Variants in POU6F2 observed in about 807,000 individuals in gnomAD.
POU6F2 encodes POU class 6 homeobox 2.
POU6F2 carries 31 observed loss-of-function variants against 71.3 expected under a neutral mutation model. The ratio of observed to expected loss-of-function variants is 0.43; its 90% CI spans 0.33 to 0.59. The LOEUF (loss-of-function observed/expected upper bound fraction) is 0.59. Ranked by LOEUF, POU6F2 falls within the 20% of genes least tolerant of loss-of-function variation. The probability of loss-of-function intolerance (pLI) is 0.04; values close to 1 mark genes in which losing one functional copy is unlikely to be tolerated. For synonymous variants in POU6F2, 347 were observed against 355.7 expected (o/e 0.98, Z 0.27); for missense variants, 783 against 856.8 (o/e 0.91, Z 1.07).
At chr7:39,085,726 TAAGAG>T in intron 1 of POU6F2, 129 bp from the exon 2 acceptor site, 1 of 912,512 alleles carries the variant, frequency 1.1e-6, no homozygotes, top group Non-Finnish European at 1.7e-6. Context: ...CAGCCAGAGA[TAAGAG>T]AGAGAGGAGA....
intron 2 of POU6F2, among the ~76,000 whole-genome samples, chr7:39,171,325 G>C (rs191302277): frequency 6.6e-6 from 1 of 152,000 alleles, no homozygotes; most frequent in East Asian, 1.9e-4. Context: ...TGCAAGTTCT[G>C]CTATAAAATT....
chr7:39,179,439 G>A (rs760592511), intron 2 of POU6F2, among the ~76,000 whole-genome samples: 76 of 152,220 alleles, frequency 5.0e-4, no homozygotes, highest in African/African-American at 1.7e-3. Context: ...GTTAGAATAC[G>A]TCAAGCATTT....
intron 4 of POU6F2, among the ~76,000 whole-genome samples, chr7:39,272,614 C>G (rs955079794): frequency 1.3e-5 from 2 of 152,140 alleles, no homozygotes; most frequent in Non-Finnish European, 2.9e-5. Flanking sequence ...ATTATGGCAC[C>G]AAACATTCTT....
intron 5 of POU6F2, among the ~76,000 whole-genome samples, chr7:39,343,995 C>A (rs559477377): frequency 7.9e-4 from 120 of 152,186 alleles, no homozygotes; most frequent in Middle Eastern, 6.8e-3. Flanking sequence ...TTTATCTTAG[C>A]CAGAGAGTCC....
At chr7:39,151,828 G>T (rs73695675) in intron 2 of POU6F2, among the ~76,000 whole-genome samples, 12,236 of 152,198 alleles carry the variant, frequency 0.08, 564 homozygotes, top group African/African-American at 0.12. Flanking sequence ...GTTCTTCCAA[G>T]ACTCCAGCAG....
chr7:39,141,708 G>T (rs1194221611), intron 2 of POU6F2, among the ~76,000 whole-genome samples: 1 of 152,060 alleles, frequency 6.6e-6, no homozygotes, highest in African/African-American at 2.4e-5. Flanking sequence ...TAACCATAAT[G>T]AATATTTGTA....
chr7:39,088,060 G>A (rs1009946219), intron 2 of POU6F2, among the ~76,000 whole-genome samples: 1 of 152,202 alleles, frequency 6.6e-6, no homozygotes, highest in African/African-American at 2.4e-5. Flanking sequence ...TTCTGAGTTT[G>A]TGTGAGAGAA....
At chr7:39,023,071 T>G (rs1338832161) in intron 1 of POU6F2, among the ~76,000 whole-genome samples, 4 of 152,094 alleles carry the variant, frequency 2.6e-5, no homozygotes, top group Non-Finnish European at 4.4e-5. Context: ...TGTGGCTTTA[T>G]GTTGCATTTC....
chr7:39,371,657 A>G (rs983935652), intron 5 of POU6F2, among the ~76,000 whole-genome samples: 9 of 152,132 alleles, frequency 5.9e-5, no homozygotes, highest in African/African-American at 1.9e-4. Context: ...GCTTTCCCCA[A>G]TACCACCCAA....
chr7:39,382,521 G>A (rs1458055011), intron 5 of POU6F2, among the ~76,000 whole-genome samples: 1 of 152,216 alleles, frequency 6.6e-6, no homozygotes, highest in African/African-American at 2.4e-5. Flanking sequence ...GAGACAGAGT[G>A]CTGGACCCAG....
intron 2 of POU6F2, among the ~76,000 whole-genome samples, chr7:39,110,613 T>C (rs35973736): frequency 0.03 from 4,530 of 152,260 alleles, 94 homozygotes; most frequent in Middle Eastern, 0.078. Flanking sequence ...GAGGAAATAC[T>C]AATAATATAG....
intron 7 of POU6F2, among the ~76,000 whole-genome samples, chr7:39,449,177 G>C (rs1318467355): frequency 6.6e-6 from 1 of 152,206 alleles, no homozygotes; most frequent in East Asian, 1.9e-4. Context: ...TTCCTGGGAA[G>C]ATCCCTGCAC....
At chr7:39,093,134 T>C (rs969567304) in intron 2 of POU6F2, among the ~76,000 whole-genome samples, 1 of 151,906 alleles carries the variant, frequency 6.6e-6, no homozygotes, top group Non-Finnish European at 1.5e-5. Flanking sequence ...TATATTGTGA[T>C]TTTTTTTAAA....
At chr7:39,434,983 A>G (rs1008511903) in intron 7 of POU6F2, among the ~76,000 whole-genome samples, 1 of 152,202 alleles carries the variant, frequency 6.6e-6, no homozygotes, top group Non-Finnish European at 1.5e-5. Flanking sequence ...TTACGGCAGC[A>G]TAGTATTCCA....
At chr7:39,416,539 A>C (rs1787679836) in intron 6 of POU6F2, among the ~76,000 whole-genome samples, 1 of 152,198 alleles carries the variant, frequency 6.6e-6, no homozygotes, top group Non-Finnish European at 1.5e-5. Flanking sequence ...TGAGCTCCTA[A>C]TGTGGCAAGA....
intron 1 of POU6F2, chr7:39,004,944 T>C (rs1329103042): frequency 6.6e-6 from 1 of 152,262 alleles, no homozygotes; most frequent in Non-Finnish European, 1.5e-5. Context: ...TGATGTCTAA[T>C]GCCCTTCAAC....
Position 39,085,922 on chromosome 7 carries a change from G to C in POU6F2, c.168G>C (p.Ala56=), listed in dbSNP as rs376754165. 5.0e-6 allele frequency: 8 copies of C among 1,613,572 alleles called. No homozygotes were observed. The African/African-American group carries it at 8.0e-5, about 16-fold the overall frequency. Residue 56 remains alanine (A), a synonymous_variant, in exon 2 of 10, where the codon GCG becomes GCC. Coordinates refer to ENST00000518318, the MANE Select transcript of POU6F2 (RefSeq NM_001370959.1). ...PLLSVRSEMN[A]ELRGEDKAAT... ...TGTCAGTGCGGAGTGAAATGAATGC[G>C]GAGTTGAGAGGTGAGGACAAGGCTG...
rs1018312813 is a variant in POU6F2 at position 39,207,685 on chromosome 7, C to CA, written c.598+74dup. 970 of 1,360,468 alleles carry CA rather than the reference C, an allele frequency of 7.1e-4. 1 individual carries two copies. The highest frequency in any genetic ancestry group is 9.0e-4 in the South Asian group (64 of 71,130). The allele number at this position is 1,360,468 out of a possible 1,614,324, so 84.3% of individuals were successfully genotyped here. ...GTTGGCCAGTATTCTCTGAAGTGGG[C>CA]AAAAAAAAATGTGCCTAGAATGGTG... On this transcript the variant is annotated intron_variant, in intron 4 of 9. Transcript: ENST00000518318.
chr7:39,169,593 A>G (rs1031157402), intron 2 of POU6F2, among the ~76,000 whole-genome samples: 1 of 152,170 alleles, frequency 6.6e-6, no homozygotes, highest in Non-Finnish European at 1.5e-5. Context: ...GGCCTAACGT[A>G]GACACATGAT....
Sources: gnomAD v4.1 joint callset for allele counts (sites outside exome capture counted in the v4.1 genomes callset) on GRCh38, gnomAD v4.1.1 for gene constraint, MANE v1.5 for transcripts, NCBI Gene and HGNC (gene_info 2026-07-23, HGNC 2026-07-21) for gene names.